Variants in CD53 observed in about 807,000 individuals in gnomAD.
CD53 encodes the protein CD53 molecule, also known as leukocyte surface antigen CD53.
In CD53, 20 loss-of-function variants were observed where a neutral mutation model predicts 27.3. The observed-to-expected ratio is 0.73, with a 90% CI of 0.52 to 1.07. The LOEUF (loss-of-function observed/expected upper bound fraction) is 1.07, where lower values mean the gene tolerates loss of function less well. Among genes scored for constraint, CD53 ranks in the 50% least tolerant of loss-of-function variants. CD53 has a pLI of 0.00. For missense variants in CD53, 216 were observed against 264.0 expected, an observed-to-expected ratio of 0.82 and a Z score of 1.26; for synonymous variants, 106 against 105.3, an observed-to-expected ratio of 1.01 and a Z score of -0.04.
In CD53 at chr1:110,892,342, C is replaced by G. The variant is rs1656885954; in HGVS notation, c.64-3C>G. ...CAGGATGTTGTGGGATTCTTCCTTT[C>G]AGATCTGTGGCTGCTGCATTTTGGG... On this transcript the variant is annotated splice_region_variant and splice_polypyrimidine_tract_variant and intron_variant, in intron 2 of 7. Transcript: ENST00000271324. The G allele has an allele frequency of 6.2e-7, 1 of 1,612,680 alleles. No homozygotes were observed. The highest frequency in any genetic ancestry group is 1.7e-5 in the Admixed American group (1 of 59,998).
At chr1:110,880,195 G>C (rs1494322) in intron 1 of CD53, 13 of 151,958 alleles carry the variant, frequency 8.6e-5, no homozygotes, top group African/African-American at 2.4e-4. Flanking sequence ...GAGGGGTGTC[G>C]GTTCCTCTAG....
At chr1:110,896,143 A>G (rs1439385018) in intron 5 of CD53, among the ~76,000 whole-genome samples, 1 of 152,182 alleles carries the variant, frequency 6.6e-6, no homozygotes, top group Non-Finnish European at 1.5e-5. Context: ...TTTGTCCTTT[A>G]GACTTCTCCA....
chr1:110,888,025 G>A (rs1308856962), intron 1 of CD53, among the ~76,000 whole-genome samples: 1 of 152,142 alleles, frequency 6.6e-6, no homozygotes, highest in African/African-American at 2.4e-5. Context: ...AGAGTGGAAA[G>A]TAGCAGATGT....
chr1:110,894,549 G>GA (rs1397525834), intron 4 of CD53, 148 bp downstream of exon 4: 2 of 608,152 alleles, frequency 3.3e-6, no homozygotes, highest in Non-Finnish European at 5.8e-6. Context: ...AATTGTAATT[G>GA]GGGGGAAAAT....
At chr1:110,886,043 G>A (rs1474685604) in intron 1 of CD53, among the ~76,000 whole-genome samples, 1 of 152,044 alleles carries the variant, frequency 6.6e-6, no homozygotes, top group East Asian at 1.9e-4. Context: ...TTGTAGTATG[G>A]ATCTACTGAT....
chr1:110,892,382 T>G lies in CD53; in HGVS notation c.101T>G (p.Leu34Arg). 1.2e-6 allele frequency: 2 copies of G among 1,614,062 alleles called. No individual in the cohort carries two copies. The highest frequency in any genetic ancestry group is 1.7e-6 in the Non-Finnish European group (2 of 1,179,890). ...GCCILGFGIYLLIHNNFGVLF... is the reference protein window; with the variant it reads ...GCCILGFGIYRLIHNNFGVLF... Reference sequence around the variant, plus strand: ...TGCATTTTGGGCTTTGGGATCTACCTGCTGATCCACAACAACTTCGGAGTG... The same window carrying G: ...TGCATTTTGGGCTTTGGGATCTACCGGCTGATCCACAACAACTTCGGAGTG... The change falls in exon 3 of 8, where the codon CTG becomes CGG. Residue 34 changes from leucine to arginine, a missense_variant. By Grantham distance (102) the Leu-to-Arg change is moderately radical. Coordinates refer to ENST00000271324, the MANE Select transcript of CD53 (RefSeq NM_000560.4).
chr1:110,893,533 G>A (rs1324199512), intron 3 of CD53, among the ~76,000 whole-genome samples: 2 of 152,200 alleles, frequency 1.3e-5, no homozygotes, highest in Admixed American at 1.3e-4. Context: ...TATTGGTCAA[G>A]CTGGTCTCTA....
intron 1 of CD53, among the ~76,000 whole-genome samples, chr1:110,883,878 T>G (rs1386583140): frequency 6.6e-6 from 1 of 151,980 alleles, no homozygotes; most frequent in African/African-American, 2.4e-5. Flanking sequence ...TGTAGTGTTG[T>G]TCTCTCAATC....
chr1:110,898,379 GAAA>G (rs11390194), intron 7 of CD53, among the ~76,000 whole-genome samples: 4 of 115,654 alleles, frequency 3.5e-5, no homozygotes, highest in African/African-American at 7.1e-5. Context: ...TCTGTCTCCA[GAAA>G]AAAAAAAAAA....
At chr1:110,896,225 T>A (rs1440322703) in intron 5 of CD53, among the ~76,000 whole-genome samples, 2 of 152,244 alleles carry the variant, frequency 1.3e-5, no homozygotes, top group Non-Finnish European at 2.9e-5. Flanking sequence ...ATAAGCCCCA[T>A]GAACTTAAAA....
At chr1:110,894,202 G>A (rs1031423558) in intron 3 of CD53, 125 bp from the exon 4 acceptor site, 34 of 755,410 alleles carry the variant, frequency 4.5e-5, no homozygotes, top group Non-Finnish European at 7.0e-5. Flanking sequence ...GGCTTACAAC[G>A]GCCTGAGGAG....
Position 110,892,306 on chromosome 1 carries a change from A to G in CD53, c.64-39A>G, listed in dbSNP as rs762401488. 7 of 1,519,098 alleles carry G rather than the reference A, an allele frequency of 4.6e-6. No individual in the cohort carries two copies. The African/African-American group carries it at 8.2e-5, about 18-fold the overall frequency. 94.1% of individuals were successfully genotyped at this position (1,519,098 alleles called of 1,614,324 possible). ...GAATATGAGGAGATACCCAAGAACC[A>G]CATTTTGCTTCAGGATGTTGTGGGA... On this transcript the variant is annotated intron_variant, in intron 2 of 7. Transcript: ENST00000271324.
upstream of CD53, among the ~76,000 whole-genome samples, chr1:110,871,834 C>CACAT (rs1008509040): frequency 3.3e-5 from 5 of 151,734 alleles, no homozygotes; most frequent in Non-Finnish European, 7.4e-5. Context: ...CACACACACA[C>CACAT]ACACACACAC....
intron 1 of CD53, among the ~76,000 whole-genome samples, chr1:110,879,734 T>TA (rs1292005638): frequency 3.9e-5 from 6 of 152,040 alleles, no homozygotes; most frequent in African/African-American, 7.2e-5. Flanking sequence ...TTTTTTAACT[T>TA]AAAAAAATTT....
upstream of CD53, among the ~76,000 whole-genome samples, chr1:110,871,538 G>A (rs1655963624): frequency 6.6e-6 from 1 of 152,114 alleles, no homozygotes; most frequent in Non-Finnish European, 1.5e-5. Context: ...TGAGGTGCCT[G>A]GGAGAGAGTG....
intron 1 of CD53, among the ~76,000 whole-genome samples, chr1:110,878,822 ATG>A (rs1266435966): frequency 6.6e-6 from 1 of 152,206 alleles, no homozygotes; most frequent in African/African-American, 2.4e-5. Context: ...GGAGAAAGAA[ATG>A]TGTTCTAATA....
intron 1 of CD53, among the ~76,000 whole-genome samples, chr1:110,884,319 G>A (rs1656479084): frequency 6.6e-6 from 1 of 151,994 alleles, no homozygotes; most frequent in Non-Finnish European, 1.5e-5. Context: ...AACTTTCTAG[G>A]GATATTTCTG....
At chr1:110,893,105 G>A (rs1359058074) in intron 3 of CD53, among the ~76,000 whole-genome samples, 1 of 152,198 alleles carries the variant, frequency 6.6e-6, no homozygotes, top group African/African-American at 2.4e-5. Flanking sequence ...ATCCTGAGGA[G>A]TACCTTAAGG....
At chr1:110,892,762 T>G in intron 3 of CD53, 1 of 468,128 alleles carries the variant, frequency 2.1e-6, no homozygotes, top group South Asian at 3.9e-5. Context: ...CATTTTTATA[T>G]TGCTAATAAT....
Sources: allele counts gnomAD v4.1 joint callset (sites outside exome capture counted in the v4.1 genomes callset), GRCh38; gene constraint gnomAD v4.1.1; transcripts MANE v1.5; gene names NCBI Gene and HGNC (gene_info 2026-07-23, HGNC 2026-07-21).